The following LARGE1 variants were observed in gnomAD, a reference collection of about 807,000 sequenced individuals.
LARGE1 encodes xylosyl- and glucuronyltransferase LARGE1.
In LARGE1, 43 loss-of-function variants were observed where a neutral mutation model predicts 87.6. The ratio of observed to expected loss-of-function variants is 0.49; its 90% CI spans 0.38 to 0.63. LARGE1 has a LOEUF of 0.63. LARGE1 is among the 30% of genes least tolerant of loss of function. The pLI is 0.00. For missense variants in LARGE1, 802 were observed against 1,000.2 expected (o/e 0.80, Z 2.67); for synonymous variants, 434 against 394.6 (o/e 1.10, Z -1.18).
chr22:33,170,030 G>A (rs1922479287), intron 11 of LARGE1, among the ~76,000 whole-genome samples: 1 of 152,082 alleles, frequency 6.6e-6, no homozygotes, highest in Non-Finnish European at 1.5e-5. Flanking sequence ...CAACATGATG[G>A]TATTAGCAGG....
At chr22:33,516,540 A>G (rs977982087) in intron 6 of LARGE1, among the ~76,000 whole-genome samples, 1 of 152,268 alleles carries the variant, frequency 6.6e-6, no homozygotes, top group Admixed American at 6.5e-5. Flanking sequence ...CAGACCACTG[A>G]GGACAGACCA....
chr22:33,422,972 G>A (rs541615980), intron 7 of LARGE1, among the ~76,000 whole-genome samples: 56 of 151,660 alleles, frequency 3.7e-4, no homozygotes, highest in African/African-American at 1.3e-3. Context: ...ATTTGAGCCT[G>A]GAACTAACAC....
At chr22:33,760,516 G>C (rs1481317249) in intron 2 of LARGE1, among the ~76,000 whole-genome samples, 3 of 152,068 alleles carry the variant, frequency 2.0e-5, no homozygotes, top group Non-Finnish European at 1.5e-5. Flanking sequence ...AACGCGCATC[G>C]CAACGTGCCG....
At chr22:33,131,829 A>C in the LARGE1 span, among the ~76,000 whole-genome samples, 1 of 150,850 alleles carries the variant, frequency 6.6e-6, no homozygotes, top group South Asian at 2.1e-4. Context: ...CATGCTGCTG[A>C]TAAAGACATA....
chr22:33,840,360 T>C (rs1201339314), intron 1 of LARGE1, among the ~76,000 whole-genome samples: 1 of 150,308 alleles, frequency 6.7e-6, no homozygotes, highest in Admixed American at 6.6e-5. Flanking sequence ...TTTTACTTCC[T>C]GTCTTTAAAA....
At chr22:33,217,441 G>C (rs1255676685) in intron 11 of LARGE1, among the ~76,000 whole-genome samples, 1 of 152,150 alleles carries the variant, frequency 6.6e-6, no homozygotes, top group Non-Finnish European at 1.5e-5. Context: ...CACTGAAGTT[G>C]AGCTATGGCA....
At chr22:33,346,039 AC>A (rs1359980260) in intron 9 of LARGE1, among the ~76,000 whole-genome samples, 1 of 152,034 alleles carries the variant, frequency 6.6e-6, no homozygotes, top group African/African-American at 2.4e-5. Flanking sequence ...ACAGAATAAC[AC>A]CTAGCCTGAT....
At chr22:33,330,281 A>G (rs1270678225) in intron 10 of LARGE1, among the ~76,000 whole-genome samples, 1 of 152,184 alleles carries the variant, frequency 6.6e-6, no homozygotes, top group East Asian at 1.9e-4. Flanking sequence ...ATGTTCTGGA[A>G]GAGTCCTGGG....
At chr22:33,439,005 G>A (rs1383731362) in intron 6 of LARGE1, among the ~76,000 whole-genome samples, 1 of 152,064 alleles carries the variant, frequency 6.6e-6, no homozygotes, top group African/African-American at 2.4e-5. Context: ...GAAGTCAGGA[G>A]TTCAAGACCA....
chr22:33,256,831 C>T (rs559583634), intron 11 of LARGE1, among the ~76,000 whole-genome samples: 1 of 152,314 alleles, frequency 6.6e-6, no homozygotes, highest in East Asian at 1.9e-4. Flanking sequence ...TAGTTACCCA[C>T]AGTCTCAGAC....
At chr22:33,198,800 T>C (rs912327320) in intron 11 of LARGE1, among the ~76,000 whole-genome samples, 6 of 152,224 alleles carry the variant, frequency 3.9e-5, no homozygotes, top group Non-Finnish European at 5.9e-5. Context: ...AATAGTGCTG[T>C]GATAAACACA....
chr22:33,909,173 A>G (rs1453997870), intron 1 of LARGE1, among the ~76,000 whole-genome samples: 2 of 152,198 alleles, frequency 1.3e-5, no homozygotes, highest in African/African-American at 4.8e-5. Flanking sequence ...AGTGGACTTT[A>G]TTCCAACAAG....
At chr22:33,691,168 T>C (rs930675923) in intron 2 of LARGE1, among the ~76,000 whole-genome samples, 15 of 152,038 alleles carry the variant, frequency 9.9e-5, no homozygotes, top group African/African-American at 3.6e-4. Context: ...CCAGAATGGC[T>C]CTGGGCAACT....
intron 2 of LARGE1, among the ~76,000 whole-genome samples, chr22:33,727,950 G>A (rs1047384168): frequency 2.0e-5 from 3 of 152,156 alleles, no homozygotes; most frequent in African/African-American, 7.2e-5. Context: ...AAGGACTGGG[G>A]ACAGGTAAGG....
At chr22:33,405,687 T>C (rs542658753) in intron 7 of LARGE1, among the ~76,000 whole-genome samples, 2 of 152,324 alleles carry the variant, frequency 1.3e-5, no homozygotes, top group East Asian at 3.9e-4. Context: ...AGATTTTGAA[T>C]AAATGGTGTA....
chr22:33,240,777 T>A (rs1926474871), intron 11 of LARGE1, among the ~76,000 whole-genome samples: 1 of 152,210 alleles, frequency 6.6e-6, no homozygotes, highest in Non-Finnish European at 1.5e-5. Flanking sequence ...TCATCAACTT[T>A]AAGAACTCTT....
chr22:33,130,194 G>A, the LARGE1 span, among the ~76,000 whole-genome samples: 1 of 151,026 alleles, frequency 6.6e-6, no homozygotes, highest in Non-Finnish European at 1.5e-5. Flanking sequence ...GGCGCCTGTA[G>A]TCCCAGCTAC....
downstream of LARGE1, among the ~76,000 whole-genome samples, chr22:33,271,943 G>A (rs972260545): frequency 2.0e-5 from 3 of 152,208 alleles, no homozygotes; most frequent in African/African-American, 4.8e-5. Context: ...TTCACTGTAC[G>A]TGAAGGTACA....
intron 1 of LARGE1, among the ~76,000 whole-genome samples, chr22:33,900,962 G>A (rs1374704509): frequency 2.0e-5 from 3 of 152,144 alleles, no homozygotes; most frequent in African/African-American, 4.8e-5. Flanking sequence ...CAGGAGAATC[G>A]CTTGAACCCG....
Sources: gnomAD v4.1 joint callset for allele counts (sites outside exome capture counted in the v4.1 genomes callset) on GRCh38, gnomAD v4.1.1 for gene constraint, MANE v1.5 for transcripts, NCBI Gene and HGNC (gene_info 2026-07-23, HGNC 2026-07-21) for gene names.